The following IL1RAPL1 variants were observed in gnomAD, a reference collection of about 807,000 sequenced individuals.
The protein encoded by IL1RAPL1 is interleukin 1 receptor accessory protein like 1.
A neutral mutation model predicts 48.4 loss-of-function variants in IL1RAPL1; 3 were observed. The ratio of observed to expected loss-of-function variants is 0.06; its 90% CI spans 0.03 to 0.16. The LOEUF (loss-of-function observed/expected upper bound fraction) is 0.16, where lower values mean the gene tolerates loss of function less well. Ranked by LOEUF, IL1RAPL1 falls within the 10% of genes least tolerant of loss-of-function variation. IL1RAPL1 has a pLI of 1.00. For synonymous variants in IL1RAPL1, 185 were observed against 187.7 expected (o/e 0.99, Z 0.12); for missense variants, 349 against 530.6 (o/e 0.66, Z 3.36).
At chrX:28,681,926 C>T (rs1264236063) in intron 1 of IL1RAPL1, among the ~76,000 whole-genome samples, 1 of 111,760 alleles carries the variant, frequency 8.9e-6, no homozygotes, top group Non-Finnish European at 1.9e-5. Context: ...AATATCAAGC[C>T]CCACATGTAT....
At chrX:28,854,540 T>G (rs768182187) in intron 2 of IL1RAPL1, among the ~76,000 whole-genome samples, 1 of 110,797 alleles carries the variant, frequency 9.0e-6, no homozygotes, top group East Asian at 2.9e-4. Context: ...AGTTGGAGGG[T>G]GGGATCAGGG....
rs182543677 is a variant in IL1RAPL1 at position 29,488,295 on chromosome X, G to A, written c.703+88987G>A. Among the ~76,000 whole-genome samples the A allele has an allele frequency of 6.9e-3, 763 of 111,378 alleles. 10 individuals are homozygous for A. The highest frequency in any genetic ancestry group is 0.023 in the African/African-American group (718 of 30,601). ...TCTACTAAAAATACAAAAATTAGCC[G>A]GGTGTGGGGGCGTGCGCCTGTAGTC... On this transcript the variant is annotated intron_variant, in intron 5 of 10. Transcript: ENST00000378993.
chrX:29,707,747 G>A (rs781325293), intron 6 of IL1RAPL1, among the ~76,000 whole-genome samples: 1 of 110,755 alleles, frequency 9.0e-6, no homozygotes, highest in Non-Finnish European at 1.9e-5. Context: ...AGGACGCAAA[G>A]GCATAAGAAT....
intron 2 of IL1RAPL1, among the ~76,000 whole-genome samples, chrX:29,182,576 T>G (rs965251939): frequency 1.8e-4 from 8 of 45,379 alleles, no homozygotes; most frequent in African/African-American, 4.2e-4. Flanking sequence ...ATGTACTTAG[T>G]TTTTTTTTTT....
chrX:29,628,404 G>A (rs1268329616), intron 5 of IL1RAPL1, among the ~76,000 whole-genome samples: 2 of 111,762 alleles, frequency 1.8e-5, no homozygotes, highest in Non-Finnish European at 3.8e-5. Context: ...TGGTATTATT[G>A]ATGAGGGACT....
At chrX:29,234,650 A>G (rs1931258353) in intron 2 of IL1RAPL1, among the ~76,000 whole-genome samples, 1 of 111,960 alleles carries the variant, frequency 8.9e-6, no homozygotes, top group Non-Finnish European at 1.9e-5. Context: ...CTCCAGATAC[A>G]AGAAGAGGGA....
chrX:29,895,126 A>G (rs1932355510), intron 6 of IL1RAPL1, among the ~76,000 whole-genome samples: 1 of 108,904 alleles, frequency 9.2e-6, no homozygotes, highest in Admixed American at 9.8e-5. Context: ...GCCCGGCCCC[A>G]TTCATCTGTT....
At chrX:29,192,798 G>A (rs1399620814) in intron 2 of IL1RAPL1, among the ~76,000 whole-genome samples, 1 of 111,113 alleles carries the variant, frequency 9.0e-6, no homozygotes, top group Non-Finnish European at 1.9e-5. Flanking sequence ...TTGGATATGT[G>A]GCGTGTGTGA....
intron 2 of IL1RAPL1, among the ~76,000 whole-genome samples, chrX:28,792,144 A>G (rs556991086): frequency 9.0e-6 from 1 of 111,675 alleles, no homozygotes; most frequent in East Asian, 2.8e-4. Flanking sequence ...TCTTTTTGAA[A>G]GGTCAGTAAA....
At chrX:29,834,088 C>G (rs1323657809) in intron 6 of IL1RAPL1, among the ~76,000 whole-genome samples, 1 of 112,147 alleles carries the variant, frequency 8.9e-6, no homozygotes, top group Non-Finnish European at 1.9e-5. Flanking sequence ...ATTTCAGGAT[C>G]ACAAGTGAAG....
intron 3 of IL1RAPL1, among the ~76,000 whole-genome samples, chrX:29,358,113 G>A (rs138267270): frequency 0.011 from 1,216 of 111,152 alleles, 12 homozygotes; most frequent in Non-Finnish European, 0.016. Context: ...GGGCAAGAGG[G>A]GTTCTAGTTT....
At chrX:28,680,028 A>G (rs1243316173) in intron 1 of IL1RAPL1, among the ~76,000 whole-genome samples, 1 of 111,825 alleles carries the variant, frequency 8.9e-6, no homozygotes, top group African/African-American at 3.2e-5. Flanking sequence ...CATTCAGTGT[A>G]TAGATCATAG....
intron 5 of IL1RAPL1, among the ~76,000 whole-genome samples, chrX:29,621,319 A>C (rs971111700): frequency 8.1e-5 from 9 of 111,568 alleles, no homozygotes; most frequent in Non-Finnish European, 1.5e-4. Flanking sequence ...ACATACATGA[A>C]CATGTATAAG....
At chrX:29,046,775 G>A (rs142125104) in intron 2 of IL1RAPL1, among the ~76,000 whole-genome samples, 1 of 111,826 alleles carries the variant, frequency 8.9e-6, no homozygotes, top group Non-Finnish European at 1.9e-5. Context: ...CATTGATTTC[G>A]ATTGTCCTAA....
At chrX:29,158,991 T>G (rs1214144324) in intron 2 of IL1RAPL1, among the ~76,000 whole-genome samples, 3 of 93,395 alleles carry the variant, frequency 3.2e-5, no homozygotes, top group Non-Finnish European at 6.4e-5. Flanking sequence ...CTTTCTTTGT[T>G]TCTTTCCTTC....
intron 2 of IL1RAPL1, among the ~76,000 whole-genome samples, chrX:28,796,419 A>C (rs1184334669): frequency 8.9e-6 from 1 of 111,968 alleles, no homozygotes; most frequent in African/African-American, 3.3e-5. Flanking sequence ...GTAAAATCAA[A>C]AACAAGTTAG....
chrX:29,684,625 C>G (rs1249997181), intron 6 of IL1RAPL1, among the ~76,000 whole-genome samples: 2 of 111,512 alleles, frequency 1.8e-5, no homozygotes, highest in Non-Finnish European at 3.8e-5. Context: ...TGTACTTCTG[C>G]TCTTTCAAGT....
intron 2 of IL1RAPL1, among the ~76,000 whole-genome samples, chrX:29,077,627 A>AG (rs372638384): frequency 5.4e-5 from 6 of 110,229 alleles, no homozygotes; most frequent in African/African-American, 1.3e-4. Context: ...AAAAAAGAAA[A>AG]AGAAAACCGA....
chrX:29,527,409 C>G (rs1265692327), intron 5 of IL1RAPL1, among the ~76,000 whole-genome samples: 1 of 86,046 alleles, frequency 1.2e-5, no homozygotes, highest in African/African-American at 4.4e-5. Context: ...GCGATCTCAG[C>G]TCACTGCAAC....
Sources: allele counts gnomAD v4.1 joint callset (sites outside exome capture counted in the v4.1 genomes callset), GRCh38; gene constraint gnomAD v4.1.1; transcripts MANE v1.5; gene names NCBI Gene and HGNC (gene_info 2026-07-23, HGNC 2026-07-21).